The following KCNQ1 variants were observed in gnomAD, a reference collection of about 807,000 sequenced individuals.
KCNQ1 encodes the protein potassium voltage-gated channel subfamily KQT member 1.
A neutral mutation model predicts 72.4 loss-of-function variants in KCNQ1; 49 were observed. The observed-to-expected ratio is 0.68, with a 90% CI of 0.54 to 0.86. The LOEUF (loss-of-function observed/expected upper bound fraction) is 0.86, where lower values mean the gene tolerates loss of function less well. KCNQ1 is among the 40% of genes least tolerant of loss of function. The pLI, the probability that KCNQ1 is intolerant of heterozygous loss-of-function variation, is 0.00. For missense variants in KCNQ1, 790 were observed against 945.1 expected (o/e 0.84, Z 2.15); for synonymous variants, 450 against 412.6 (o/e 1.09, Z -1.10).
chr11:2,621,717 C>A lies in KCNQ1; in HGVS notation c.1393+32863C>A, dbSNP rs1295458180. On this transcript the variant is annotated intron_variant, in intron 10 of 15. Coordinates refer to ENST00000155840, the MANE Select transcript of KCNQ1 (RefSeq NM_000218.3). The surrounding 1 kb of genome is among the most constrained non-coding windows in gnomAD (Gnocchi z 5.7). Reference sequence around the variant, plus strand: ...TATGATCCTTTTTATTTCTGAAGTACCTGTTGTAATATATTCTCCATTTTC... The same window carrying A: ...TATGATCCTTTTTATTTCTGAAGTAACTGTTGTAATATATTCTCCATTTTC... The A allele has an allele frequency of 2.3e-5, 9 of 398,088 alleles. No individual in the cohort carries two copies. The highest frequency in any genetic ancestry group is 4.0e-5 in the Non-Finnish European group (9 of 225,954). The allele number at this position is 398,088 out of a possible 1,614,324, so 24.7% of individuals were successfully genotyped here. A position where few individuals can be genotyped will look rare whatever the true frequency, so the allele number is the denominator to read the frequency against.
At chr11:2,461,533 A>G (rs1554882602) in intron 1 of KCNQ1, 3 of 1,344,624 alleles carry the variant, frequency 2.2e-6, no homozygotes, top group South Asian at 1.2e-5. Flanking sequence ...TCTGGAGTGT[A>G]GGATGGCACT....
intron 15 of KCNQ1, among the ~76,000 whole-genome samples, chr11:2,807,702 C>A (rs527421094): frequency 6.6e-6 from 1 of 151,628 alleles, no homozygotes; most frequent in Non-Finnish European, 1.5e-5. Flanking sequence ...CAGCCTCCTC[C>A]CCACCCACCC....
rs554814474 is a variant in KCNQ1, at chr11:2,482,070, C to T, written c.386+36586C>T. ...TGCCTCAGTTTCTTCATCTCTGAAA[C>T]GGGAACGATGGGAGCCCTCACCTCG... On this transcript the variant is annotated intron_variant, in intron 1 of 15. Transcript: ENST00000155840. This position sits in a 1 kb window ranked among gnomAD's most constrained non-coding sequence, Gnocchi z 5.7. Among the ~76,000 whole-genome samples, 14 of 152,258 alleles carry T rather than the reference C, an allele frequency of 9.2e-5. No homozygotes were observed. Among genetic ancestry groups the T allele is most frequent in the South Asian group, 4.1e-4 (2 of 4,826 alleles).
At chr11:2,804,320 A>G (rs1250067331) in intron 15 of KCNQ1, among the ~76,000 whole-genome samples, 1 of 152,152 alleles carries the variant, frequency 6.6e-6, no homozygotes, top group African/African-American at 2.4e-5. Context: ...CTGAGGCACA[A>G]AATACTCCAC....
intron 14 of KCNQ1, 78 bp from the exon 15 acceptor site, chr11:2,777,898 C>T (rs1564889866): frequency 1.6e-6 from 2 of 1,288,844 alleles, no homozygotes; most frequent in Admixed American, 3.4e-5. Context: ...AGCCCTACCA[C>T]CCCACTTCCC....
intron 1 of KCNQ1, among the ~76,000 whole-genome samples, chr11:2,510,657 T>G (rs1419100603): frequency 6.6e-6 from 1 of 152,212 alleles, no homozygotes; most frequent in Non-Finnish European, 1.5e-5. Flanking sequence ...CTGGGCAATG[T>G]CCGTGAAATT....
chr11:2,473,866 C>T lies in KCNQ1; in HGVS notation c.386+28382C>T, dbSNP rs113956604. Among the ~76,000 whole-genome samples the T allele has an allele frequency of 2.6e-4, 40 of 152,350 alleles. No homozygotes were observed. Among genetic ancestry groups the T allele is most frequent in the African/African-American group, 8.7e-4 (36 of 41,600 alleles). On this transcript the variant is annotated intron_variant, in intron 1 of 15. Transcript: ENST00000155840. This position sits in a 1 kb window ranked among gnomAD's most constrained non-coding sequence, Gnocchi z 6.0. The stretch of plus-strand genomic sequence containing the variant: ...CAGACAGCCGCATGCGCTCACCACT[C>T]GCCCTCCACAGATGGGAGCCTGGGA...
intron 11 of KCNQ1, among the ~76,000 whole-genome samples, chr11:2,706,483 C>A (rs987384704): frequency 6.6e-6 from 1 of 152,228 alleles, no homozygotes; most frequent in Non-Finnish European, 1.5e-5. Context: ...TCAGAACCAC[C>A]CAGCCAAGCC....
chr11:2,701,347 A>G (rs1483353128), intron 11 of KCNQ1, among the ~76,000 whole-genome samples: 1 of 152,126 alleles, frequency 6.6e-6, no homozygotes, highest in African/African-American at 2.4e-5. Context: ...TGCTCAGCCC[A>G]CAGGCAATCT....
chr11:2,487,553 G>A (rs1846761358), intron 1 of KCNQ1, among the ~76,000 whole-genome samples: 1 of 152,140 alleles, frequency 6.6e-6, no homozygotes, highest in Non-Finnish European at 1.5e-5. Flanking sequence ...TTTCAGTAAT[G>A]TTTTGTGGGT....
chr11:2,514,205 TGGCCGG>T (rs1236475875), intron 1 of KCNQ1, among the ~76,000 whole-genome samples: 1 of 152,216 alleles, frequency 6.6e-6, no homozygotes, highest in Non-Finnish European at 1.5e-5. Context: ...CCGAGGGAGC[TGGCCGG>T]GGCGCATTTC....
intron 15 of KCNQ1, among the ~76,000 whole-genome samples, chr11:2,846,831 C>T (rs779013034): frequency 3.3e-5 from 5 of 152,272 alleles, no homozygotes; most frequent in Non-Finnish European, 7.3e-5. Context: ...CACTGCGAGG[C>T]CTCTGATCAC....
chr11:2,616,207 T>A (rs1849061196), intron 10 of KCNQ1: 2 of 397,616 alleles, frequency 5.0e-6, no homozygotes, highest in Non-Finnish European at 8.9e-6. Flanking sequence ...CACTTTTGTT[T>A]TTTTTTCTTA....
rs1173880772 is a variant in KCNQ1, at chr11:2,617,162, A to C, written c.1393+28308A>C. 1 of 398,074 alleles carries C rather than the reference A, an allele frequency of 2.5e-6. No homozygotes were observed. Among genetic ancestry groups the C allele is most frequent in the Admixed American group, 4.4e-5 (1 of 22,686 alleles). The allele number at this position is 398,074 out of a possible 1,614,324, so 24.7% of individuals were successfully genotyped here. ...TAACTATTCTCATGTTCTACATGAG[A>C]TCTCTAGACTTGTTCATCCTATATA... On this transcript the variant is annotated intron_variant, in intron 10 of 15. Transcript: ENST00000155840. The surrounding 1 kb of genome is among the most constrained non-coding windows in gnomAD (Gnocchi z 4.6).
rs1286547460 is a variant in KCNQ1, at chr11:2,645,828, GTTGCCTGAGGATTCAGGGGATGTGTGAA to G, written c.1394-16114_1394-16087del. On this transcript the variant is annotated intron_variant, in intron 10 of 15. Transcript: ENST00000155840. The surrounding 1 kb of genome is among the most constrained non-coding windows in gnomAD (Gnocchi z 5.8). ...GCTATCAAAATGGGACTTTCCTGAA[GTTGCCTGAGGATTCAGGGGATGTGTGAA>G]TTGCCTGAGGATTCAGGGTGATCTC... is the stretch of plus-strand genomic sequence containing the variant. The G allele has an allele frequency of 2.5e-6, 1 of 398,732 alleles. No individual in the cohort carries two copies. The highest frequency in any genetic ancestry group is 3.6e-5 in the East Asian group (1 of 28,078). 24.7% of individuals were successfully genotyped at this position (398,732 alleles called of 1,614,324 possible).
intron 11 of KCNQ1, among the ~76,000 whole-genome samples, chr11:2,739,935 C>T (rs1037400682): frequency 5.3e-5 from 8 of 152,240 alleles, no homozygotes; most frequent in African/African-American, 1.9e-4. Flanking sequence ...GGGGCTGAGG[C>T]CTGGGTGTGC....
chr11:2,812,752 C>A (rs919003016), intron 15 of KCNQ1, among the ~76,000 whole-genome samples: 5 of 152,122 alleles, frequency 3.3e-5, no homozygotes, highest in Non-Finnish European at 7.4e-5. Context: ...GGGCCCCACG[C>A]CCCCGAGGCC....
chr11:2,676,619 G>C lies in KCNQ1; in HGVS notation c.1514+14538G>C, dbSNP rs1850299383. ...CTCTCCAAAGAGGCCTCTAAGAAAT[G>C]GGTAGCTTCACAGATTCACAGATAG... On this transcript the variant is annotated intron_variant, in intron 11 of 15. Transcript: ENST00000155840. This position sits in a 1 kb window ranked among gnomAD's most constrained non-coding sequence, Gnocchi z 4.2. 2 of 398,496 alleles carry C rather than the reference G, an allele frequency of 5.0e-6. No individual in the cohort carries two copies. Among genetic ancestry groups the C allele is most frequent in the Non-Finnish European group, 4.4e-6 (1 of 226,086 alleles). The allele number at this position is 398,496 out of a possible 1,614,324, so 24.7% of individuals were successfully genotyped here.
chr11:2,689,993 G>A, intron 11 of KCNQ1: 1 of 398,854 alleles, frequency 2.5e-6, no homozygotes, highest in Non-Finnish European at 4.4e-6. Context: ...CTTTGCCCAA[G>A]CAGAGAACTG....
Sources: allele counts gnomAD v4.1 joint callset (sites outside exome capture counted in the v4.1 genomes callset), GRCh38; gene constraint gnomAD v4.1.1; non-coding constraint Gnocchi (gnomAD v3.1); transcripts MANE v1.5; gene names NCBI Gene and HGNC (gene_info 2026-07-23, HGNC 2026-07-21).